Variants in PLN observed in about 807,000 individuals in gnomAD.
The protein encoded by PLN is phospholamban.
In PLN, 1 loss-of-function variant was observed where a neutral mutation model predicts 3.9. The observed-to-expected ratio is 0.26, with a 90% CI of 0.09 to 1.23. The LOEUF is 1.23. PLN is among the 50% of genes most tolerant of loss of function. The probability of loss-of-function intolerance (pLI) is 0.48; values close to 1 mark genes in which losing one functional copy is unlikely to be tolerated. For synonymous variants in PLN, 21 were observed against 20.5 expected, an observed-to-expected ratio of 1.02 and a Z score of -0.07; for missense variants, 59 against 62.7, an observed-to-expected ratio of 0.94 and a Z score of 0.20.
chr6:118,558,175 T>C (rs1298707181), intron 1 of PLN, among the ~76,000 whole-genome samples: 1 of 152,172 alleles, frequency 6.6e-6, no homozygotes, highest in Non-Finnish European at 1.5e-5. Flanking sequence ...GGTCTCAAAC[T>C]CCTGACCTCA....
intron 1 of PLN, among the ~76,000 whole-genome samples, chr6:118,555,326 G>C (rs911658916): frequency 4.6e-5 from 7 of 151,268 alleles, no homozygotes; most frequent in African/African-American, 1.7e-4. Context: ...TACTCGGGAG[G>C]CTAAGGCAGG....
intron 1 of PLN, among the ~76,000 whole-genome samples, chr6:118,551,095 TCTC>T: frequency 6.6e-6 from 1 of 152,008 alleles, no homozygotes; most frequent in Non-Finnish European, 1.5e-5. Context: ...CAAGTTAACA[TCTC>T]CTCAAAACTT....
intron 1 of PLN, among the ~76,000 whole-genome samples, 193 bp from the exon 2 acceptor site, chr6:118,558,632 C>T (rs1203664158): frequency 1.1e-5 from 1 of 89,424 alleles, no homozygotes; most frequent in African/African-American, 4.5e-5. Context: ...CACATACACA[C>T]ACACACACAC....
At chr6:118,555,161 G>A (rs1778778099) in intron 1 of PLN, among the ~76,000 whole-genome samples, 2 of 152,202 alleles carry the variant, frequency 1.3e-5, no homozygotes, top group South Asian at 4.1e-4. Context: ...GCCAGGTGCA[G>A]TGGCTCACGC....
intron 1 of PLN, among the ~76,000 whole-genome samples, chr6:118,555,746 A>G (rs1478560894): frequency 1.3e-5 from 2 of 152,148 alleles, no homozygotes; most frequent in East Asian, 3.9e-4. Context: ...GTATTACTTC[A>G]TCATCCCGTT....
chr6:118,549,595 A>T (rs1778418752), intron 1 of PLN, among the ~76,000 whole-genome samples: 1 of 151,778 alleles, frequency 6.6e-6, no homozygotes, highest in African/African-American at 2.4e-5. Context: ...CTTAAGACAT[A>T]AAAAAACATA....
At chr6:118,553,907 GAA>G (rs1241843919) in intron 1 of PLN, among the ~76,000 whole-genome samples, 1 of 152,152 alleles carries the variant, frequency 6.6e-6, no homozygotes, top group Non-Finnish European at 1.5e-5. Context: ...ACCTGTGATA[GAA>G]AGAGACTTGA....
At chr6:118,556,060 A>G (rs2114954302) in intron 1 of PLN, among the ~76,000 whole-genome samples, 1 of 152,308 alleles carries the variant, frequency 6.6e-6, no homozygotes, top group Middle Eastern at 3.4e-3. Context: ...ACTGATGAGC[A>G]CTTAGGCCGG....
At chr6:118,558,067 C>T (rs763079146) in intron 1 of PLN, among the ~76,000 whole-genome samples, 4 of 151,614 alleles carry the variant, frequency 2.6e-5, no homozygotes, top group Non-Finnish European at 5.9e-5. Context: ...TGGGCTCCAG[C>T]GATCCTCCCA....
In PLN at chr6:118,558,656, CACACAGAGAG is replaced by C. The variant is rs776736116; in HGVS notation, c.-97-167_-97-158del. On this transcript the variant is annotated intron_variant, in intron 1 of 1. Coordinates refer to ENST00000357525, the MANE Select transcript of PLN (RefSeq NM_002667.5). Reference sequence around the variant, plus strand: ...ACACACACACACACACACACACACACACACAGAGAGAGAGAGAGAGAGAGAGAGAGAGGGA... The same window carrying C: ...ACACACACACACACACACACACACACAGAGAGAGAGAGAGAGAGAGAGGGA... Among the ~76,000 whole-genome samples, 75 of 133,940 alleles carry C rather than the reference CACACAGAGAG, an allele frequency of 5.6e-4. No individual in the cohort carries two copies. In the South Asian group the frequency reaches 0.014, roughly 25 times the overall value. The allele number at this position is 133,940 out of a possible 152,430, so 87.9% of individuals were successfully genotyped here.
intron 1 of PLN, among the ~76,000 whole-genome samples, 161 bp from the exon 2 acceptor site, chr6:118,558,656 CACACAGAG>C (rs764977061): frequency 0.029 from 3,900 of 133,698 alleles, 68 homozygotes; most frequent in South Asian, 0.07. Context: ...CACACACACA[CACACAGAG>C]AGAGAGAGAG....
chr6:118,554,956 A>C (rs753142766), intron 1 of PLN, among the ~76,000 whole-genome samples: 2 of 152,210 alleles, frequency 1.3e-5, no homozygotes, highest in Non-Finnish European at 2.9e-5. Context: ...TATATGCTTC[A>C]TGATAAACTC....
At chr6:118,553,308 T>C (rs1778662884) in intron 1 of PLN, among the ~76,000 whole-genome samples, 1 of 151,790 alleles carries the variant, frequency 6.6e-6, no homozygotes. Flanking sequence ...AATTATAATG[T>C]AGTAAAGGTC....
Position 118,558,949 on chromosome 6 carries a change from T to G in PLN, c.28T>G (p.Ser10Ala). 6.2e-7 allele frequency: 1 copy of G among 1,613,966 alleles called. No homozygotes were observed. Among genetic ancestry groups the G allele is most frequent in the Non-Finnish European group, 8.5e-7 (1 of 1,179,832 alleles). The change falls in exon 2 of 2, where the codon TCA becomes GCA. Residue 10 changes from serine (S) to alanine (A), a missense_variant. Coordinates refer to ENST00000357525, the MANE Select transcript of PLN (RefSeq NM_002667.5). The part of the protein sequence containing the change: MEKVQYLTR[S>A]AIRRASTIEM... ...GGAGAAAGTCCAATACCTCACTCGC[T>G]CAGCTATAAGAAGAGCCTCAACCAT... is the stretch of plus-strand genomic sequence containing the variant.
chr6:118,550,914 T>C (rs1778503526), intron 1 of PLN, among the ~76,000 whole-genome samples: 1 of 151,788 alleles, frequency 6.6e-6, no homozygotes, highest in Non-Finnish European at 1.5e-5. Flanking sequence ...ACCAGAAATA[T>C]ACGAAAATTA....
rs1046843746 is a variant in PLN at position 118,552,136 on chromosome 6, G to T, written c.-98+3744G>T. 2.0e-5 allele frequency among the ~76,000 whole-genome samples: 3 copies of T among 152,054 alleles called. No individual in the cohort carries two copies. The East Asian group carries it at 5.8e-4, about 29-fold the overall frequency. ...TAGAGTATATCAGACTGTAGCCTTA[G>T]ATATTACTTGAATTCAATTTAATAA... On this transcript the variant is annotated intron_variant, in intron 1 of 1. Coordinates refer to ENST00000357525, the MANE Select transcript of PLN (RefSeq NM_002667.5).
intron 1 of PLN, among the ~76,000 whole-genome samples, chr6:118,556,349 G>C (rs572621091): frequency 6.6e-6 from 1 of 152,154 alleles, no homozygotes; most frequent in Admixed American, 6.5e-5. Flanking sequence ...TAGAAGTTGA[G>C]TGTTTGGAAC....
chr6:118,555,339 A>T (rs1399922642), intron 1 of PLN, among the ~76,000 whole-genome samples: 5 of 151,374 alleles, frequency 3.3e-5, no homozygotes, highest in African/African-American at 9.7e-5. Context: ...AAGGCAGGAG[A>T]ATGGCGTGAA....
chr6:118,556,640 G>A (rs1420119062), intron 1 of PLN, among the ~76,000 whole-genome samples: 1 of 152,146 alleles, frequency 6.6e-6, no homozygotes, highest in Admixed American at 6.5e-5. Flanking sequence ...TTTATGGGAT[G>A]TATAAAAGGA....
Sources: gnomAD v4.1 joint callset for allele counts (sites outside exome capture counted in the v4.1 genomes callset) on GRCh38, gnomAD v4.1.1 for gene constraint, MANE v1.5 for transcripts, NCBI Gene and HGNC (gene_info 2026-07-23, HGNC 2026-07-21) for gene names.